The following ROR2 variants were observed in gnomAD, a reference collection of about 807,000 sequenced individuals.
ROR2 encodes tyrosine-protein kinase transmembrane receptor ROR2.
In ROR2, 33 loss-of-function variants were observed where a neutral mutation model predicts 74.9. The observed-to-expected ratio is 0.44, with a 90% CI of 0.33 to 0.59. The LOEUF is 0.59. Ranked by LOEUF, ROR2 falls within the 20% of genes least tolerant of loss-of-function variation. The probability of loss-of-function intolerance (pLI) is 0.02; values close to 1 mark genes in which losing one functional copy is unlikely to be tolerated. For synonymous variants in ROR2, 586 were observed against 558.7 expected (o/e 1.05, Z -0.69); for missense variants, 1,216 against 1,313.8 (o/e 0.93, Z 1.15).
At chr9:91,813,511 C>T (rs997157552) in intron 1 of ROR2, among the ~76,000 whole-genome samples, 6 of 152,082 alleles carry the variant, frequency 3.9e-5, no homozygotes, top group African/African-American at 1.2e-4. Context: ...CAGAAACTGG[C>T]GAGGGCAAAG....
In ROR2 at chr9:91,877,217, A is replaced by G. The variant is rs561186898; in HGVS notation, c.97+72650T>C. ...AAGGACTCAGAAAACTTACCCTTTA[A>G]ATGCAGCTTCCTACATTTGTGTCTC... is the stretch of plus-strand genomic sequence containing the variant. On this transcript the variant is annotated intron_variant, in intron 1 of 8. Transcript: ENST00000375708. Among the ~76,000 whole-genome samples the G allele has an allele frequency of 5.3e-5, 8 of 152,288 alleles. No individual in the cohort carries two copies. The South Asian group carries it at 1.7e-3, about 32-fold the overall frequency.
intron 1 of ROR2, among the ~76,000 whole-genome samples, chr9:91,810,176 GC>G (rs1563975204): frequency 1.3e-5 from 2 of 152,194 alleles, no homozygotes; most frequent in Non-Finnish European, 2.9e-5. Flanking sequence ...GGCTACGGTG[GC>G]GACAGAATCA....
At chr9:91,810,349 GC>G (rs1328779018) in intron 1 of ROR2, among the ~76,000 whole-genome samples, 3 of 152,202 alleles carry the variant, frequency 2.0e-5, no homozygotes, top group Admixed American at 2.0e-4. Flanking sequence ...AACATGAGAA[GC>G]CATCAGCAAA....
intron 1 of ROR2, among the ~76,000 whole-genome samples, chr9:91,848,208 A>T (rs928039517): frequency 6.6e-6 from 1 of 152,234 alleles, no homozygotes; most frequent in Non-Finnish European, 1.5e-5. Context: ...ATGCCATTCA[A>T]TAAGCTGACA....
intron 4 of ROR2, among the ~76,000 whole-genome samples, chr9:91,748,391 C>T (rs9409656): frequency 0.78 from 118,648 of 152,216 alleles, 46,390 homozygotes; most frequent in African/African-American, 0.85. Flanking sequence ...TCACAATGTA[C>T]ACATATATCA....
chr9:91,741,373 A>G (rs1268238419), intron 4 of ROR2, among the ~76,000 whole-genome samples: 2 of 151,310 alleles, frequency 1.3e-5, no homozygotes, highest in African/African-American at 2.4e-5. Flanking sequence ...AAGAAAAGCA[A>G]CAGGAGAGGG....
intron 1 of ROR2, among the ~76,000 whole-genome samples, chr9:91,874,433 A>G (rs1461633906): frequency 6.6e-6 from 1 of 152,232 alleles, no homozygotes; most frequent in African/African-American, 2.4e-5. Flanking sequence ...AACTATAAAC[A>G]TTAAAAGTTT....
At chr9:91,922,299 T>C (rs1156978486) in intron 1 of ROR2, among the ~76,000 whole-genome samples, 2 of 151,900 alleles carry the variant, frequency 1.3e-5, no homozygotes, top group South Asian at 4.2e-4. Flanking sequence ...CTGCTAGGTA[T>C]GTACCCAAAA....
In ROR2 at chr9:91,807,654, T is replaced by TA. The variant is rs1322430203; in HGVS notation, c.98-31837dup. On this transcript the variant is annotated intron_variant, in intron 1 of 8. Coordinates refer to ENST00000375708, the MANE Select transcript of ROR2 (RefSeq NM_004560.4). ...GGGGGGATCAGACGCTACCTCCAGG[T>TA]AGACAGTGTCTAAAGTGGACTGGAG... Among the ~76,000 whole-genome samples, 9 of 152,238 alleles carry TA rather than the reference T, an allele frequency of 5.9e-5. No homozygotes were observed. The South Asian group carries it at 1.9e-3, about 32-fold the overall frequency.
chr9:91,759,883 G>T (rs919204976), intron 2 of ROR2, among the ~76,000 whole-genome samples: 1 of 152,190 alleles, frequency 6.6e-6, no homozygotes, highest in Non-Finnish European at 1.5e-5. Flanking sequence ...AGTGGGACCA[G>T]TACTCAGATG....
Position 91,724,824 on chromosome 9 carries a change from G to C in ROR2, c.1670C>G (p.Ser557Trp). Residue 557 changes from serine to tryptophan, a missense_variant, in exon 9 of 9, where the codon TCG (serine) becomes TGG (tryptophan). Transcript: ENST00000375708. ...QPLSMIFSYC[S>W]HGDLHEFLVM... ...CAGGAATTCGTGGAGGTCGCCGTGC[G>C]AACAGTAGCTGAAGATCATGCTCAG... The C allele has an allele frequency of 6.2e-7, 1 of 1,606,760 alleles. No individual in the cohort carries two copies. Among genetic ancestry groups the C allele is most frequent in the Admixed American group, 1.7e-5 (1 of 59,860 alleles).
intron 5 of ROR2, among the ~76,000 whole-genome samples, chr9:91,734,075 C>A (rs72744455): frequency 6.6e-6 from 1 of 152,146 alleles, no homozygotes; most frequent in African/African-American, 2.4e-5. Context: ...TTTGGTAGGG[C>A]GGTTTGTTTT....
intron 1 of ROR2, among the ~76,000 whole-genome samples, chr9:91,835,494 T>G (rs752025330): frequency 6.6e-6 from 1 of 152,124 alleles, no homozygotes; most frequent in South Asian, 2.1e-4. Flanking sequence ...TGCCCTGACA[T>G]GCTCAGAGTT....
intron 1 of ROR2, among the ~76,000 whole-genome samples, chr9:91,884,547 C>T (rs1427355421): frequency 6.6e-6 from 1 of 151,762 alleles, no homozygotes; most frequent in Non-Finnish European, 1.5e-5. Context: ...CCCCAATCCC[C>T]AGGCCTGGTT....
At chr9:91,778,366 G>A (rs899050460) in intron 1 of ROR2, among the ~76,000 whole-genome samples, 24 of 152,210 alleles carry the variant, frequency 1.6e-4, no homozygotes, top group African/African-American at 5.5e-4. Context: ...TATGGCTGGT[G>A]AATGATCACG....
chr9:91,732,230 T>C (rs1837268094), intron 6 of ROR2, among the ~76,000 whole-genome samples: 2 of 152,320 alleles, frequency 1.3e-5, no homozygotes, highest in South Asian at 4.1e-4. Context: ...ACAACCCGTA[T>C]GGATGCAGTG....
intron 2 of ROR2, among the ~76,000 whole-genome samples, chr9:91,761,943 G>C (rs1196948766): frequency 6.6e-6 from 1 of 152,096 alleles, no homozygotes; most frequent in Non-Finnish European, 1.5e-5. Context: ...ATTTTAATCA[G>C]ACAGGGAGAT....
chr9:91,753,675 T>C (rs1237827030), intron 4 of ROR2, among the ~76,000 whole-genome samples: 1 of 152,048 alleles, frequency 6.6e-6, no homozygotes, highest in African/African-American at 2.4e-5. Context: ...CCTGTCACAA[T>C]GGAACAGTCA....
intron 4 of ROR2, among the ~76,000 whole-genome samples, chr9:91,741,130 T>C (rs1001732042): frequency 6.6e-6 from 1 of 151,792 alleles, no homozygotes; most frequent in African/African-American, 2.4e-5. Flanking sequence ...TGAAACTCCG[T>C]CTCTATTAAA....
Sources: allele counts gnomAD v4.1 joint callset (sites outside exome capture counted in the v4.1 genomes callset), GRCh38; gene constraint gnomAD v4.1.1; transcripts MANE v1.5; gene names NCBI Gene and HGNC (gene_info 2026-07-23, HGNC 2026-07-21).